N4BP2: variants seen among roughly 807,000 people sequenced by gnomAD.
N4BP2 encodes the protein NEDD4-binding protein 2.
A neutral mutation model predicts 152.8 loss-of-function variants in N4BP2; 91 were observed. That is an observed-to-expected ratio of 0.60 (90% CI 0.50 to 0.71). N4BP2 has a LOEUF of 0.71. Among genes scored for constraint, N4BP2 ranks in the 30% least tolerant of loss-of-function variants. The pLI, the probability that N4BP2 is intolerant of heterozygous loss-of-function variation, is 0.00. For synonymous variants in N4BP2, 646 were observed against 705.3 expected, an observed-to-expected ratio of 0.92 and a Z score of 1.33; for missense variants, 1,923 against 2,059.1, an observed-to-expected ratio of 0.93 and a Z score of 1.28.
chr4:40,070,073 A>G (rs1357783349), intron 1 of N4BP2, among the ~76,000 whole-genome samples: 1 of 152,216 alleles, frequency 6.6e-6, no homozygotes, highest in African/African-American at 2.4e-5. Context: ...TCATTAGGAA[A>G]ATAGAGATAT....
At chr4:40,077,727 T>G (rs932501440) in intron 2 of N4BP2, among the ~76,000 whole-genome samples, 1 of 152,194 alleles carries the variant, frequency 6.6e-6, no homozygotes, top group African/African-American at 2.4e-5. Flanking sequence ...GTGCTAGGAT[T>G]ATAGGCGTGA....
At chr4:40,112,381 A>G (rs769850368) in intron 6 of N4BP2, among the ~76,000 whole-genome samples, 13 of 152,146 alleles carry the variant, frequency 8.5e-5, no homozygotes, top group African/African-American at 1.2e-4. Context: ...CTGAAATTCA[A>G]TTTTTGAACT....
At chr4:40,089,127 A>T (rs540582320) in intron 2 of N4BP2, among the ~76,000 whole-genome samples, 1 of 147,860 alleles carries the variant, frequency 6.8e-6, no homozygotes, top group East Asian at 2.0e-4. Flanking sequence ...ATTGTTTTCT[A>T]TTTTTTCATA....
intron 1 of N4BP2, among the ~76,000 whole-genome samples, chr4:40,072,168 G>A (rs990309972): frequency 6.6e-6 from 1 of 151,734 alleles, no homozygotes; most frequent in African/African-American, 2.4e-5. Context: ...TCCGCCTTCC[G>A]GGTTCAAGTG....
chr4:40,142,392 C>T (rs1720097936), intron 14 of N4BP2: 1 of 320,146 alleles, frequency 3.1e-6, no homozygotes, highest in African/African-American at 2.2e-5. Flanking sequence ...CCTCTTCCAA[C>T]TCGGAGTTCA....
At chr4:40,113,358 A>C (rs1717064908) in intron 6 of N4BP2, 74 bp from the exon 7 acceptor site, 2 of 1,103,576 alleles carry the variant, frequency 1.8e-6, no homozygotes, top group East Asian at 4.8e-5. Context: ...TTTACATGCT[A>C]TATATTTGGA....
chr4:40,062,135 G>A (rs1310870152), intron 1 of N4BP2, among the ~76,000 whole-genome samples: 4 of 142,480 alleles, frequency 2.8e-5, no homozygotes, highest in African/African-American at 1.0e-4. Flanking sequence ...TGGGAGTGCA[G>A]TGGTGCGATC....
the N4BP2 span, among the ~76,000 whole-genome samples, chr4:40,185,417 A>AT: frequency 3.9e-4 from 59 of 152,358 alleles, no homozygotes; most frequent in Non-Finnish European, 7.2e-4. Context: ...AAACTTAGTA[A>AT]TGTGAATACC....
rs141109013 is a variant in N4BP2, at chr4:40,102,424, A to T, written c.579A>T (p.Thr193=). ...DSSNMTPIFS[T]QNMNLNGENL... Reference sequence around the variant, plus strand: ...GTAATATGACTCCCATTTTTTCTACACAAAATATGAATTTGAACGGTGAAA... The same window carrying T: ...GTAATATGACTCCCATTTTTTCTACTCAAAATATGAATTTGAACGGTGAAA... Residue 193 remains threonine, a synonymous_variant, in exon 4 of 18, where the codon ACA becomes ACT. Transcript: ENST00000261435. 52 of 1,610,488 alleles carry T rather than the reference A, an allele frequency of 3.2e-5. No homozygotes were observed. The African/African-American group carries it at 4.8e-4, about 15-fold the overall frequency.
rs1403248005 is a variant in N4BP2 at position 40,155,283 on chromosome 4, T to C, written c.*1046T>C. On this transcript the variant is annotated 3_prime_UTR_variant, in exon 18 of 18. Coordinates refer to ENST00000261435, the MANE Select transcript of N4BP2 (RefSeq NM_018177.6). ...GGCGTGTGCCTGTAATCCCAGCTACTTGGGAGGCTGAGGCAGGAGAACCGC... is the reference window on the plus strand; with the variant it reads ...GGCGTGTGCCTGTAATCCCAGCTACCTGGGAGGCTGAGGCAGGAGAACCGC... 5 of 152,006 alleles carry C rather than the reference T, an allele frequency of 3.3e-5. No homozygotes were observed. The highest frequency in any genetic ancestry group is 1.2e-4 in the African/African-American group (5 of 41,306). 9.4% of individuals were successfully genotyped at this position (152,006 alleles called of 1,614,324 possible).
At chr4:40,143,725 C>T (rs1256811225) in intron 15 of N4BP2, among the ~76,000 whole-genome samples, 4 of 152,136 alleles carry the variant, frequency 2.6e-5, no homozygotes, top group Non-Finnish European at 5.9e-5. Context: ...GGGATAGCTT[C>T]TGGGGTAGGT....
intron 4 of N4BP2, among the ~76,000 whole-genome samples, chr4:40,105,906 A>T (rs1716230260): frequency 6.6e-6 from 1 of 152,110 alleles, no homozygotes; most frequent in Non-Finnish European, 1.5e-5. Context: ...GTAAAAAAGG[A>T]AGTGTCAGAG....
intron 2 of N4BP2, 58 bp from the exon 3 acceptor site, chr4:40,097,169 C>A: frequency 1.8e-6 from 1 of 552,284 alleles, no homozygotes; most frequent in Non-Finnish European, 3.2e-6. Context: ...GATGTCATTC[C>A]GATTTTAGAA....
In N4BP2 at chr4:40,097,451, A is replaced by G. The variant is rs142810144; in HGVS notation, c.111A>G (p.Leu37=). 597 of 1,614,022 alleles carry G rather than the reference A, an allele frequency of 3.7e-4. No individual in the cohort carries two copies. Among genetic ancestry groups the G allele is most frequent in the Middle Eastern group, 2.5e-3 (15 of 6,062 alleles). ...VASREEPTTT[L]PSMGETKVDQ... The stretch of plus-strand genomic sequence containing the variant: ...GTCGTGAGGAGCCAACCACTACTCT[A>G]CCTTCCATGGGTGAGACAAAAGTTG... The change falls in exon 3 of 18, where the codon CTA becomes CTG. Residue 37 remains leucine, a synonymous_variant. Transcript: ENST00000261435.
intron 5 of N4BP2, among the ~76,000 whole-genome samples, chr4:40,109,521 C>T (rs1716660882): frequency 6.6e-6 from 1 of 151,802 alleles, no homozygotes; most frequent in Admixed American, 6.6e-5. Flanking sequence ...AGTTTGAGAC[C>T]ACCCTGGCTA....
At chr4:40,084,091 C>T (rs1041135221) in intron 2 of N4BP2, among the ~76,000 whole-genome samples, 11 of 152,196 alleles carry the variant, frequency 7.2e-5, no homozygotes, top group Non-Finnish European at 1.5e-4. Flanking sequence ...GCTGGGATTA[C>T]AGGCATGCGC....
At chr4:40,164,435 G>A in the N4BP2 span, among the ~76,000 whole-genome samples, 1 of 152,174 alleles carries the variant, frequency 6.6e-6, no homozygotes, top group Non-Finnish European at 1.5e-5. Flanking sequence ...CATCCACTTT[G>A]TGTACATATT....
chr4:40,152,683 G>A, intron 16 of N4BP2, 97 bp from the exon 17 acceptor site: 1 of 1,409,590 alleles, frequency 7.1e-7, no homozygotes, highest in Non-Finnish European at 9.8e-7. Context: ...AAATCCTCAT[G>A]AAAACAATTT....
In N4BP2 at chr4:40,107,005, T is replaced by C; in HGVS notation, c.1479T>C (p.His493=). 1.2e-6 allele frequency: 2 copies of C among 1,613,514 alleles called. No homozygotes were observed. Among genetic ancestry groups the C allele is most frequent in the Non-Finnish European group, 1.7e-6 (2 of 1,179,726 alleles). Residue 493 remains histidine, a synonymous_variant, in exon 5 of 18, where the codon CAT becomes CAC. Coordinates refer to ENST00000261435, the MANE Select transcript of N4BP2 (RefSeq NM_018177.6). ...ATGTAAAGTACTTAGGAGAAGCACA[T>C]GAATGGAACCAGAATCGTGGTAAGA... ...QFDVKYLGEA[H]EWNQNRAKEA...
Sources: allele counts gnomAD v4.1 joint callset (sites outside exome capture counted in the v4.1 genomes callset), GRCh38; gene constraint gnomAD v4.1.1; transcripts MANE v1.5; gene names NCBI Gene and HGNC (gene_info 2026-07-23, HGNC 2026-07-21).